BEAN1: variants seen among roughly 807,000 people sequenced by gnomAD.
BEAN1 encodes protein BEAN1.
In BEAN1, 17 loss-of-function variants were observed where a neutral mutation model predicts 17.7. That is an observed-to-expected ratio of 0.96 (90% CI 0.66 to 1.44). BEAN1 has a LOEUF of 1.44. Among genes scored for constraint, BEAN1 ranks in the 40% most tolerant of loss-of-function variants. The pLI, the probability that BEAN1 is intolerant of heterozygous loss-of-function variation, is 0.00. For missense variants in BEAN1, 359 were observed against 374.1 expected, an observed-to-expected ratio of 0.96 and a Z score of 0.33; for synonymous variants, 142 against 151.8, an observed-to-expected ratio of 0.94 and a Z score of 0.47.
intron 4 of BEAN1, among the ~76,000 whole-genome samples, chr16:66,491,687 T>C (rs2142489731): frequency 6.6e-6 from 1 of 152,240 alleles, no homozygotes; most frequent in African/African-American, 2.4e-5. Flanking sequence ...ATGAAACTCT[T>C]CCACCTCAGA....
At chr16:66,453,303 A>C (rs11646672) in intron 2 of BEAN1, among the ~76,000 whole-genome samples, 18,989 of 151,988 alleles carry the variant, frequency 0.12, 1,360 homozygotes, top group South Asian at 0.26. Context: ...TGAATTCCAT[A>C]AATTTTGATA....
Position 66,427,699 on chromosome 16 carries a change from C to T in BEAN1, c.-83+268C>T, listed in dbSNP as rs1185807799. The T allele has an allele frequency of 6.6e-6, 1 of 152,112 alleles. No individual in the cohort carries two copies. Among genetic ancestry groups the T allele is most frequent in the Admixed American group, 6.5e-5 (1 of 15,286 alleles). 9.4% of individuals were successfully genotyped at this position (152,112 alleles called of 1,614,324 possible). The stretch of plus-strand genomic sequence containing the variant: ...CCGAGGCTGACCCTGATCGCGCCCT[C>T]GGGCCTCGGGGAAGGGGAGGTATCC... On this transcript the variant is annotated intron_variant, in intron 1 of 4. Transcript: ENST00000536005. The surrounding 1 kb of genome is among the most constrained non-coding windows in gnomAD (Gnocchi z 4.7).
At chr16:66,443,044 T>C (rs528629062) in intron 2 of BEAN1, among the ~76,000 whole-genome samples, 1 of 152,190 alleles carries the variant, frequency 6.6e-6, no homozygotes, top group East Asian at 1.9e-4. Context: ...ACTTCTGCGC[T>C]CAGAGCAGAC....
intron 3 of BEAN1, among the ~76,000 whole-genome samples, chr16:66,474,418 G>A (rs1963609226): frequency 6.6e-6 from 1 of 151,102 alleles, no homozygotes; most frequent in South Asian, 2.1e-4. Flanking sequence ...CTTCCCAATG[G>A]CTCCCCATCA....
chr16:66,470,845 T>C (rs1170895513), intron 3 of BEAN1, among the ~76,000 whole-genome samples: 4 of 152,220 alleles, frequency 2.6e-5, no homozygotes, highest in Non-Finnish European at 5.9e-5. Context: ...CGATTTTCAA[T>C]GGCAGGAAAA....
At chr16:66,461,404 G>T (rs534094334) in intron 2 of BEAN1, among the ~76,000 whole-genome samples, 1 of 152,278 alleles carries the variant, frequency 6.6e-6, no homozygotes, top group African/African-American at 2.4e-5. Flanking sequence ...GCAGGCATGG[G>T]TGATGCCATC....
At chr16:66,438,736 C>T (rs1823481892) in intron 2 of BEAN1, among the ~76,000 whole-genome samples, 1 of 152,188 alleles carries the variant, frequency 6.6e-6, no homozygotes, top group African/African-American at 2.4e-5. Flanking sequence ...CATGCCACCA[C>T]CCTTGCCCCA....
At chr16:66,466,169 C>G (rs1253115472) in intron 2 of BEAN1, among the ~76,000 whole-genome samples, 3 of 152,188 alleles carry the variant, frequency 2.0e-5, no homozygotes, top group Non-Finnish European at 4.4e-5. Flanking sequence ...GTGGCTCACA[C>G]CTATGGTCCC....
At chr16:66,493,165 G>C (rs527873790) in exon 5 of BEAN1, 1 of 702,824 alleles carries the variant, frequency 1.4e-6, no homozygotes, top group Admixed American at 2.0e-5. Context: ...TCAGAACCGC[G>C]GGCACACGGA....
At chr16:66,455,458 T>C (rs576721511) in intron 2 of BEAN1, among the ~76,000 whole-genome samples, 68 of 152,298 alleles carry the variant, frequency 4.5e-4, no homozygotes, top group African/African-American at 1.6e-3. Context: ...TCCTTTCCTT[T>C]TGAAGTTGAG....
intron 3 of BEAN1, among the ~76,000 whole-genome samples, chr16:66,474,704 GAAA>G (rs916149702): frequency 1.4e-5 from 2 of 143,372 alleles, no homozygotes; most frequent in Non-Finnish European, 3.0e-5. Context: ...AGAAGAGAGA[GAAA>G]AAAAGGAGAG....
chr16:66,473,594 G>A lies in BEAN1; in HGVS notation c.289+3729G>A, dbSNP rs1963570743. On this transcript the variant is annotated intron_variant, in intron 3 of 4. Coordinates refer to ENST00000536005, the MANE Select transcript of BEAN1 (RefSeq NM_001178020.3). The surrounding 1 kb of genome is among the most constrained non-coding windows in gnomAD (Gnocchi z 4.5). Reference sequence around the variant, plus strand: ...CACCTATAATCCCAGCACTTTGGGAGGCCAAGGTGGGAGGATAGCTTGAGC... The same window carrying A: ...CACCTATAATCCCAGCACTTTGGGAAGCCAAGGTGGGAGGATAGCTTGAGC... Among the ~76,000 whole-genome samples, 3 of 152,216 alleles carry A rather than the reference G, an allele frequency of 2.0e-5. No homozygotes were observed. Among genetic ancestry groups the A allele is most frequent in the African/African-American group, 7.2e-5 (3 of 41,522 alleles).
intron 2 of BEAN1, 193 bp downstream of exon 2, chr16:66,437,894 C>A: frequency 1.4e-6 from 1 of 733,172 alleles, no homozygotes. Flanking sequence ...TCCCTGAGAA[C>A]TGAAAATCGC....
At chr16:66,435,266 C>T (rs1961969931) in intron 1 of BEAN1, among the ~76,000 whole-genome samples, 1 of 152,134 alleles carries the variant, frequency 6.6e-6, no homozygotes, top group Non-Finnish European at 1.5e-5. Flanking sequence ...CACAGCTCTT[C>T]CTCCATCTCT....
chr16:66,431,703 C>A (rs1383218743), intron 1 of BEAN1, among the ~76,000 whole-genome samples: 1 of 151,610 alleles, frequency 6.6e-6, no homozygotes, highest in African/African-American at 2.4e-5. Context: ...ACAGGGTTTT[C>A]CCCCCCTTAA....
chr16:66,449,606 C>CAAAAAA (rs35721774), intron 2 of BEAN1, among the ~76,000 whole-genome samples: 5 of 83,306 alleles, frequency 6.0e-5, no homozygotes, highest in South Asian at 4.8e-4. Flanking sequence ...GACTCCATCT[C>CAAAAAA]AAAAAAAAAA....
downstream of BEAN1, chr16:66,485,261 C>T: frequency 2.7e-6 from 1 of 373,452 alleles, no homozygotes. Flanking sequence ...AGCTCCACCT[C>T]CTGTGGTTTC....
chr16:66,460,678 G>C (rs1963049062), intron 2 of BEAN1, among the ~76,000 whole-genome samples: 1 of 152,206 alleles, frequency 6.6e-6, no homozygotes, highest in African/African-American at 2.4e-5. Flanking sequence ...TATATCAAGT[G>C]GCTCAGAAGA....
At position 66,480,615 on chromosome 16, in the gene BEAN1, C is replaced by T; in HGVS notation, c.470C>T (p.Thr157Ile). 6.5e-7 allele frequency: 1 copy of T among 1,546,920 alleles called. No individual in the cohort carries two copies. The highest frequency in any genetic ancestry group is 8.7e-7 in the Non-Finnish European group (1 of 1,143,432). Reference protein sequence around the residue: ...GYEECVGPGATQLYVPTDAPP... With the variant: ...GYEECVGPGAIQLYVPTDAPP... Reference sequence around the variant, plus strand: ...GAGGAGTGTGTGGGGCCAGGGGCCACTCAGCTGTATGTCCCCACGGACGCA... The same window carrying T: ...GAGGAGTGTGTGGGGCCAGGGGCCATTCAGCTGTATGTCCCCACGGACGCA... The change falls in exon 5 of 5, where the codon ACT becomes ATT. Residue 157 changes from threonine to isoleucine, a missense_variant. Coordinates refer to ENST00000536005, the MANE Select transcript of BEAN1 (RefSeq NM_001178020.3).
Sources: gnomAD v4.1 joint callset for allele counts (sites outside exome capture counted in the v4.1 genomes callset) on GRCh38, gnomAD v4.1.1 for gene constraint, Gnocchi (gnomAD v3.1) non-coding constraint, MANE v1.5 for transcripts, NCBI Gene and HGNC (gene_info 2026-07-23, HGNC 2026-07-21) for gene names.